COBL: variants seen among roughly 807,000 people sequenced by gnomAD.
COBL encodes protein cordon-bleu.
A neutral mutation model predicts 98.8 loss-of-function variants in COBL; 51 were observed. The observed-to-expected ratio is 0.52, with a 90% confidence interval of 0.41 to 0.65. The LOEUF (loss-of-function observed/expected upper bound fraction) is 0.65, where lower values mean the gene tolerates loss of function less well. Among genes scored for constraint, COBL ranks in the 30% least tolerant of loss-of-function variants. The pLI is 0.00. For missense variants in COBL, 1,617 were observed against 1,617.5 expected (o/e 1.00, Z 0.01); for synonymous variants, 634 against 651.7 (o/e 0.97, Z 0.41).
intron 1 of COBL, chr7:51,259,585 C>G: frequency 1.3e-6 from 1 of 744,170 alleles, no homozygotes; most frequent in South Asian, 1.4e-5. Context: ...AAATGCTTCT[C>G]CAGGAAGGCA....
At chr7:51,115,954 T>C (rs1488324062) in intron 6 of COBL, among the ~76,000 whole-genome samples, 5 of 152,098 alleles carry the variant, frequency 3.3e-5, no homozygotes. Flanking sequence ...GATTCTTTAA[T>C]CATTATGAAA....
intron 12 of COBL, chr7:51,022,945 G>C (rs1182910449): frequency 1.3e-5 from 2 of 152,194 alleles, no homozygotes; most frequent in Non-Finnish European, 2.9e-5. Context: ...TGTGATTCAA[G>C]ATACAGATGT....
intron 1 of COBL, among the ~76,000 whole-genome samples, chr7:51,289,618 C>T (rs1800701028): frequency 6.6e-6 from 1 of 152,242 alleles, no homozygotes; most frequent in South Asian, 2.1e-4. Context: ...CAGTCTCAAA[C>T]ACTTCTGTGC....
At chr7:51,287,478 T>C (rs1024233352) in intron 1 of COBL, among the ~76,000 whole-genome samples, 1 of 152,188 alleles carries the variant, frequency 6.6e-6, no homozygotes, top group African/African-American at 2.4e-5. Flanking sequence ...CTTAAAAATA[T>C]CAAGTGCTGG....
chr7:51,118,138 T>C (rs1797440654), intron 6 of COBL, among the ~76,000 whole-genome samples: 1 of 152,204 alleles, frequency 6.6e-6, no homozygotes, highest in Admixed American at 6.5e-5. Flanking sequence ...CTAGAACAAA[T>C]GGGCACCACA....
In COBL at chr7:51,085,510, G is replaced by A. The variant is rs562012612; in HGVS notation, c.958-206C>T. 1.9e-4 allele frequency among the ~76,000 whole-genome samples: 29 copies of A among 152,334 alleles called. No individual in the cohort carries two copies. In the South Asian group the frequency reaches 4.8e-3, roughly 25 times the overall value. ...AGGCGAGAGACCAGCGGATGTCCAA[G>A]GAGTGGCCTGGAGGTGGCACAGTGT... is the stretch of plus-strand genomic sequence containing the variant. On this transcript the variant is annotated intron_variant, in intron 6 of 12. Coordinates refer to ENST00000265136, the MANE Select transcript of COBL (RefSeq NM_015198.5).
At chr7:51,184,331 A>G (rs1157495034) in intron 4 of COBL, 132 bp from the exon 5 acceptor site, 2 of 553,132 alleles carry the variant, frequency 3.6e-6, no homozygotes, top group Non-Finnish European at 6.2e-6. Flanking sequence ...AAAGCCATCA[A>G]CTATTTCTTT....
At chr7:51,112,231 T>C (rs1038566082) in intron 6 of COBL, among the ~76,000 whole-genome samples, 1 of 152,250 alleles carries the variant, frequency 6.6e-6, no homozygotes, top group Non-Finnish European at 1.5e-5. Context: ...GTATCTTTGC[T>C]ATACATCAGC....
chr7:51,304,929 C>T (rs1021237709), intron 1 of COBL, among the ~76,000 whole-genome samples: 1 of 152,116 alleles, frequency 6.6e-6, no homozygotes, highest in Admixed American at 6.5e-5. Context: ...TGTCCTTCCA[C>T]TCACGTTCTG....
chr7:51,287,492 G>A (rs1800480776), intron 1 of COBL, among the ~76,000 whole-genome samples: 1 of 152,160 alleles, frequency 6.6e-6, no homozygotes, highest in Non-Finnish European at 1.5e-5. Flanking sequence ...GTGCTGGTGA[G>A]GATACAAAGC....
chr7:51,117,369 C>A (rs1322457750), intron 6 of COBL, among the ~76,000 whole-genome samples: 1 of 151,802 alleles, frequency 6.6e-6, no homozygotes, highest in Non-Finnish European at 1.5e-5. Context: ...AAAAATAAAT[C>A]TTTGGGGATC....
At position 51,043,655 on chromosome 7, in the gene COBL, C is replaced by A. The variant is rs374259404; in HGVS notation, c.1134G>T (p.Pro378=). The A allele has an allele frequency of 2.5e-6, 4 of 1,614,110 alleles. No individual in the cohort carries two copies. Among genetic ancestry groups the A allele is most frequent in the Non-Finnish European group, 2.5e-6 (3 of 1,180,022 alleles). ...CTGACAGCACCTGCGGGGCTCCATC[C>A]GGGCTGCAGTGGCTGCCAGACCCCA... is the stretch of plus-strand genomic sequence containing the variant. ...LPLGSGSHCS[P]DGAPQVLSEA... Residue 378 remains proline, a synonymous_variant, in exon 8 of 13, where the codon CCG becomes CCT. Transcript: ENST00000265136.
chr7:51,017,068 AC>A lies in COBL; in HGVS notation c.*482del. Reference sequence around the variant, plus strand: ...TTTTTTTTTCTTACTACCAAAACACACAGCATCATGGAGCATATCACATTCA... The same window carrying A: ...TTTTTTTTTCTTACTACCAAAACACAAGCATCATGGAGCATATCACATTCA... On this transcript the variant is annotated 3_prime_UTR_variant, in exon 13 of 13. Coordinates refer to ENST00000265136, the MANE Select transcript of COBL (RefSeq NM_015198.5). 2.5e-6 allele frequency: 1 copy of A among 403,884 alleles called. No homozygotes were observed. Among genetic ancestry groups the A allele is most frequent in the Non-Finnish European group, 4.4e-6 (1 of 229,362 alleles). 25.0% of individuals were successfully genotyped at this position (403,884 alleles called of 1,614,324 possible). A position where few individuals can be genotyped will look rare whatever the true frequency, so the allele number is the denominator to read the frequency against.
intron 8 of COBL, among the ~76,000 whole-genome samples, chr7:51,039,268 TA>T (rs1395859512): frequency 6.6e-6 from 1 of 152,258 alleles, no homozygotes; most frequent in Non-Finnish European, 1.5e-5. Context: ...TTTAGTGTTC[TA>T]ATAGGGTTCC....
chr7:51,112,183 G>A (rs1268717871), intron 6 of COBL, among the ~76,000 whole-genome samples: 2 of 152,184 alleles, frequency 1.3e-5, no homozygotes, highest in African/African-American at 4.8e-5. Flanking sequence ...AGAATGCCAT[G>A]AAGTGGGATT....
intron 5 of COBL, among the ~76,000 whole-genome samples, chr7:51,140,023 G>A (rs4948195): frequency 0.078 from 11,869 of 152,080 alleles, 554 homozygotes; most frequent in Admixed American, 0.15. Context: ...TTCTTTTTTT[G>A]TAGGGAAGTG....
chr7:51,214,272 AAAATAAATAAATAAATAAAT>A lies in COBL; in HGVS notation c.245+5449_245+5468del, dbSNP rs34766805. Among the ~76,000 whole-genome samples the A allele has an allele frequency of 3.9e-3, 549 of 140,270 alleles. 1 individual carries two copies. Among genetic ancestry groups the A allele is most frequent in the African/African-American group, 0.014 (529 of 37,824 alleles). 92.0% of individuals were successfully genotyped at this position (140,270 alleles called of 152,430 possible). On this transcript the variant is annotated intron_variant, in intron 2 of 12. Transcript: ENST00000265136. The stretch of plus-strand genomic sequence containing the variant: ...CAACAGAGCAAGACTTCATCTATTA[AAAATAAATAAATAAATAAAT>A]AAATAAATAAATAAATAAATAAATA...
intron 2 of COBL, among the ~76,000 whole-genome samples, chr7:51,218,591 A>G (rs1793324588): frequency 6.6e-6 from 1 of 152,198 alleles, no homozygotes; most frequent in Admixed American, 6.5e-5. Context: ...ATCCTGCCTC[A>G]GCCTCCCAAG....
chr7:51,201,234 C>T (rs1382880353), intron 2 of COBL, among the ~76,000 whole-genome samples: 37 of 134,302 alleles, frequency 2.8e-4, no homozygotes, highest in Non-Finnish European at 4.4e-4. Flanking sequence ...AGTGAGACTC[C>T]GTCTCAAAAA....
Sources: gnomAD v4.1 joint callset for allele counts (sites outside exome capture counted in the v4.1 genomes callset) on GRCh38, gnomAD v4.1.1 for gene constraint, MANE v1.5 for transcripts, NCBI Gene and HGNC (gene_info 2026-07-23, HGNC 2026-07-21) for gene names.